The following COPS4 variants were observed in gnomAD, a reference collection of about 807,000 sequenced individuals.
COPS4 encodes COP9 signalosome subunit 4, also known as COP9 signalosome complex subunit 4.
Under a neutral mutation model 55.1 loss-of-function variants are expected in COPS4, and 8 were observed. The ratio of observed to expected loss-of-function variants is 0.15; its 90% confidence interval spans 0.09 to 0.26. The LOEUF is 0.26. Among genes scored for constraint, COPS4 ranks in the 10% least tolerant of loss-of-function variants. COPS4 has a pLI of 1.00. For missense variants in COPS4, 248 were observed against 484.0 expected, an observed-to-expected ratio of 0.51 and a Z score of 4.58; for synonymous variants, 185 against 165.7, an observed-to-expected ratio of 1.12 and a Z score of -0.90.
Position 83,056,857 on chromosome 4 carries a change from T to C in COPS4, c.411-69T>C, listed in dbSNP as rs547288111. 160 of 1,275,464 alleles carry C rather than the reference T, an allele frequency of 1.3e-4. No homozygotes were observed. The South Asian group carries it at 2.0e-3, about 16-fold the overall frequency. 79.0% of individuals were successfully genotyped at this position (1,275,464 alleles called of 1,614,324 possible). A position where few individuals can be genotyped will look rare whatever the true frequency, so the allele number is the denominator to read the frequency against. ...ATATATATCAGGAAAAAACAACATA[T>C]CTTCTATTATTCCTAAAATTTTCTT... On this transcript the variant is annotated intron_variant, in intron 4 of 9. Transcript: ENST00000264389.
In COPS4 at chr4:83,075,584, A is replaced by C. The variant is rs1731553548; in HGVS notation, c.*154A>C. 2.7e-6 allele frequency: 2 copies of C among 744,952 alleles called. No homozygotes were observed. Among genetic ancestry groups the C allele is most frequent in the African/African-American group, 1.8e-5 (1 of 56,074 alleles). 46.1% of individuals were successfully genotyped at this position (744,952 alleles called of 1,614,324 possible). ...AAGACATTATTAGAGCAGGAAGTACAAGCATTTAAAATATGTAGTTCCCAT... is the reference window on the plus strand; with the variant it reads ...AAGACATTATTAGAGCAGGAAGTACCAGCATTTAAAATATGTAGTTCCCAT... On this transcript the variant is annotated 3_prime_UTR_variant, in exon 10 of 10. Transcript: ENST00000264389.
chr4:83,068,586 A>G, intron 9 of COPS4, 64 bp downstream of exon 9: 1 of 1,013,966 alleles, frequency 9.9e-7, no homozygotes, highest in Non-Finnish European at 1.5e-6. Flanking sequence ...TTGTGATTAA[A>G]ACATGTTGGA....
At position 83,049,293 on chromosome 4, in the gene COPS4, T is replaced by C; in HGVS notation, c.282T>C (p.Pro94=). The part of the protein sequence containing the change: ...IYHFTLEKIQ[P]RVISFEEQVA... ...ACTTCACCTTGGAAAAGATCCAGCC[T>C]AGAGTCATTTCATTTGAGGAGCAGG... is the stretch of plus-strand genomic sequence containing the variant. Residue 94 remains proline (P), a synonymous_variant, in exon 3 of 10, where the codon CCT becomes CCC. Transcript: ENST00000264389. 2 of 1,597,410 alleles carry C rather than the reference T, an allele frequency of 1.3e-6. No individual in the cohort carries two copies. Among genetic ancestry groups the C allele is most frequent in the South Asian group, 1.2e-5 (1 of 86,410 alleles).
chr4:83,069,755 T>TA (rs1731373999), intron 9 of COPS4, among the ~76,000 whole-genome samples: 1 of 152,200 alleles, frequency 6.6e-6, no homozygotes. Context: ...TAGAAACACT[T>TA]TAATTTTAGA....
chr4:83,053,370 A>G (rs1043943903), intron 4 of COPS4, among the ~76,000 whole-genome samples: 4 of 152,216 alleles, frequency 2.6e-5, no homozygotes, highest in African/African-American at 7.2e-5. Context: ...ATGCGGTTCA[A>G]TGATGATAAG....
chr4:83,041,705 C>G (rs905469632), intron 1 of COPS4, among the ~76,000 whole-genome samples: 2 of 150,876 alleles, frequency 1.3e-5, no homozygotes, highest in South Asian at 4.2e-4. Context: ...TGGCCTCAAG[C>G]GATCGTCTTC....
chr4:83,073,401 A>T, intron 9 of COPS4: 1 of 519,148 alleles, frequency 1.9e-6, no homozygotes, highest in Non-Finnish European at 3.6e-6. Flanking sequence ...ATTTCATTGG[A>T]TGTATATACC....
intron 9 of COPS4, among the ~76,000 whole-genome samples, chr4:83,069,268 T>C (rs1731361645): frequency 6.6e-6 from 1 of 152,228 alleles, no homozygotes; most frequent in Admixed American, 6.5e-5. Flanking sequence ...CCCAGAACTT[T>C]TCCACTTGCA....
chr4:83,060,435 G>A (rs1002061514), intron 6 of COPS4, among the ~76,000 whole-genome samples: 7 of 150,270 alleles, frequency 4.7e-5, no homozygotes, highest in South Asian at 4.2e-4. Flanking sequence ...TGCAAGCTCC[G>A]CCTCCCAGGT....
At chr4:83,041,616 C>T (rs13110705) in intron 1 of COPS4, among the ~76,000 whole-genome samples, 1 of 151,532 alleles carries the variant, frequency 6.6e-6, no homozygotes, top group Non-Finnish European at 1.5e-5. Context: ...TACAGTTGTG[C>T]ACCATCACAC....
intron 6 of COPS4, among the ~76,000 whole-genome samples, chr4:83,059,412 T>A (rs544177595): frequency 2.0e-5 from 3 of 152,266 alleles, no homozygotes; most frequent in South Asian, 2.1e-4. Context: ...CAGGACCCCT[T>A]TACACTCTGA....
intron 4 of COPS4, among the ~76,000 whole-genome samples, chr4:83,052,354 G>T (rs1172180699): frequency 6.6e-6 from 1 of 152,198 alleles, no homozygotes; most frequent in African/African-American, 2.4e-5. Context: ...ATAGGCTTTA[G>T]ATAGGAATAT....
At chr4:83,068,222 A>T (rs1713196246) in intron 8 of COPS4, among the ~76,000 whole-genome samples, 1 of 152,208 alleles carries the variant, frequency 6.6e-6, no homozygotes, top group African/African-American at 2.4e-5. Flanking sequence ...AAAATCTCAC[A>T]AGAAAAACAG....
intron 4 of COPS4, among the ~76,000 whole-genome samples, 157 bp from the exon 5 acceptor site, chr4:83,056,769 A>G (rs1731024544): frequency 1.3e-5 from 2 of 152,202 alleles, no homozygotes; most frequent in Non-Finnish European, 2.9e-5. Context: ...ACTGCACTCC[A>G]GCCTGGGCGA....
At chr4:83,067,901 A>G (rs917753658) in intron 8 of COPS4, among the ~76,000 whole-genome samples, 2 of 152,168 alleles carry the variant, frequency 1.3e-5, no homozygotes, top group East Asian at 1.9e-4. Flanking sequence ...AAGATGGTCA[A>G]AATTAATAAA....
At chr4:83,038,808 C>CT (rs1426712211) in intron 1 of COPS4, among the ~76,000 whole-genome samples, 1 of 151,748 alleles carries the variant, frequency 6.6e-6, no homozygotes, top group Non-Finnish European at 1.5e-5. Context: ...CACCCGACTA[C>CT]TTTTTTTTGT....
chr4:83,049,625 A>G (rs1482989032), intron 3 of COPS4: 1 of 458,896 alleles, frequency 2.2e-6, no homozygotes, highest in Non-Finnish European at 3.8e-6. Context: ...ATGCAGGAAC[A>G]TACAAGCTAA....
At chr4:83,040,285 C>G (rs1367668851) in intron 1 of COPS4, among the ~76,000 whole-genome samples, 1 of 152,124 alleles carries the variant, frequency 6.6e-6, no homozygotes. Context: ...ATAATTGTAT[C>G]ATGCTCTTTC....
intron 6 of COPS4, among the ~76,000 whole-genome samples, chr4:83,060,047 A>G (rs1364431400): frequency 6.6e-6 from 1 of 152,030 alleles, no homozygotes; most frequent in Non-Finnish European, 1.5e-5. Flanking sequence ...CTCCGTTTTA[A>G]TAGGTTGTTT....
Sources: gnomAD v4.1 joint callset for allele counts (sites outside exome capture counted in the v4.1 genomes callset) on GRCh38, gnomAD v4.1.1 for gene constraint, MANE v1.5 for transcripts, NCBI Gene and HGNC (gene_info 2026-07-23, HGNC 2026-07-21) for gene names.